The following NFIB variants were observed in gnomAD, a reference collection of about 807,000 sequenced individuals.
NFIB encodes nuclear factor 1 B-type.
NFIB carries 11 observed loss-of-function variants against 61.5 expected under a neutral mutation model. That is an observed-to-expected ratio of 0.18 (90% CI 0.11 to 0.30). The LOEUF (loss-of-function observed/expected upper bound fraction) is 0.30. NFIB is among the 10% of genes least tolerant of loss of function. The pLI is 1.00. For missense variants in NFIB, 471 were observed against 608.9 expected, an observed-to-expected ratio of 0.77 and a Z score of 2.38; for synonymous variants, 260 against 216.5, an observed-to-expected ratio of 1.20 and a Z score of -1.76.
At chr9:14,217,520 C>T (rs544177625) in intron 2 of NFIB, among the ~76,000 whole-genome samples, 13 of 151,830 alleles carry the variant, frequency 8.6e-5, no homozygotes, top group South Asian at 2.1e-4. Flanking sequence ...ATTGGCTGGG[C>T]GTGGTGGCGC....
chr9:14,182,824 ACTTACT>A (rs1436037950), intron 2 of NFIB, among the ~76,000 whole-genome samples: 5 of 150,612 alleles, frequency 3.3e-5, no homozygotes, highest in Admixed American at 2.0e-4. Flanking sequence ...GTACAAAATT[ACTTACT>A]CTTAAGAGTC....
chr9:14,098,801 ATG>A (rs576081374), intron 10 of NFIB, among the ~76,000 whole-genome samples: 2 of 152,258 alleles, frequency 1.3e-5, no homozygotes, highest in Admixed American at 6.5e-5. Flanking sequence ...TCCTTTGCAC[ATG>A]TGTGTGCACA....
chr9:14,467,399 G>A, the NFIB span, among the ~76,000 whole-genome samples: 287 of 152,044 alleles, frequency 1.9e-3, 2 homozygotes, highest in African/African-American at 6.4e-3. Context: ...ATTTGGGGAC[G>A]CATGAGTGGG....
At chr9:14,444,897 CCT>C in the NFIB span, among the ~76,000 whole-genome samples, 2 of 152,086 alleles carry the variant, frequency 1.3e-5, no homozygotes, top group African/African-American at 2.4e-5. Context: ...GATAATCATT[CCT>C]CTGTTTTTCT....
intron 3 of NFIB, among the ~76,000 whole-genome samples, chr9:14,159,616 C>A (rs1366149761): frequency 6.6e-6 from 1 of 152,180 alleles, no homozygotes; most frequent in Non-Finnish European, 1.5e-5. Flanking sequence ...AGGCATTAAC[C>A]AAGACGTGGC....
chr9:14,246,940 C>G (rs62532760), intron 2 of NFIB, among the ~76,000 whole-genome samples: 40,364 of 152,034 alleles, frequency 0.27, 6,034 homozygotes, highest in Middle Eastern at 0.42. Flanking sequence ...AGTATCCCTA[C>G]AAAGAAGAGA....
At chr9:14,182,683 CCT>C (rs144528136) in intron 2 of NFIB, among the ~76,000 whole-genome samples, 60 of 40,994 alleles carry the variant, frequency 1.5e-3, no homozygotes, top group African/African-American at 3.5e-3. Flanking sequence ...ACACCCCCCA[CCT>C]CTCTCTCTCT....
intron 3 of NFIB, among the ~76,000 whole-genome samples, chr9:14,164,800 G>C (rs1173401085): frequency 6.6e-6 from 1 of 152,118 alleles, no homozygotes; most frequent in East Asian, 1.9e-4. Flanking sequence ...TGGGATTCTT[G>C]AAAGCAGTTT....
At chr9:14,389,429 A>C (rs1443600014) in intron 1 of NFIB, among the ~76,000 whole-genome samples, 1 of 152,170 alleles carries the variant, frequency 6.6e-6, no homozygotes, top group African/African-American at 2.4e-5. Flanking sequence ...ATAGATCCAT[A>C]TGCTTATCTA....
At chr9:14,305,376 C>T (rs570708453) in intron 2 of NFIB, among the ~76,000 whole-genome samples, 2 of 152,292 alleles carry the variant, frequency 1.3e-5, no homozygotes, top group South Asian at 4.1e-4. Flanking sequence ...TTTCACAACA[C>T]AGTTACAACA....
chr9:14,518,727 C>T, the NFIB span, among the ~76,000 whole-genome samples: 1 of 152,120 alleles, frequency 6.6e-6, no homozygotes, highest in East Asian at 1.9e-4. Context: ...CTACTCCCTC[C>T]TTTCCTTGCC....
chr9:14,499,819 A>T, the NFIB span, among the ~76,000 whole-genome samples: 1 of 152,238 alleles, frequency 6.6e-6, no homozygotes, highest in African/African-American at 2.4e-5. Flanking sequence ...AGACTACTTA[A>T]TCAGAGAGCT....
chr9:14,293,581 C>T (rs941299709), intron 2 of NFIB, among the ~76,000 whole-genome samples: 2 of 152,198 alleles, frequency 1.3e-5, no homozygotes, highest in South Asian at 2.1e-4. Context: ...AATGATGATG[C>T]TTTCTGAACA....
chr9:14,182,903 C>T (rs1465095290), intron 2 of NFIB, among the ~76,000 whole-genome samples: 2 of 151,916 alleles, frequency 1.3e-5, no homozygotes, highest in East Asian at 3.9e-4. Context: ...TTGCAAGATT[C>T]TATCACATTA....
At chr9:14,251,722 C>T (rs894917129) in intron 2 of NFIB, among the ~76,000 whole-genome samples, 2 of 152,176 alleles carry the variant, frequency 1.3e-5, no homozygotes, top group African/African-American at 2.4e-5. Context: ...TCAGTTCCAG[C>T]CACCCAAATC....
chr9:14,334,958 G>A (rs963823733), intron 1 of NFIB, among the ~76,000 whole-genome samples: 1 of 151,870 alleles, frequency 6.6e-6, no homozygotes, highest in Non-Finnish European at 1.5e-5. Context: ...TTTTCATCTG[G>A]CTTCTTTCTT....
chr9:14,295,368 G>T (rs1221088290), intron 2 of NFIB, among the ~76,000 whole-genome samples: 1 of 152,140 alleles, frequency 6.6e-6, no homozygotes, highest in Non-Finnish European at 1.5e-5. Flanking sequence ...GCTCATGCCT[G>T]TAATCCCAGC....
At chr9:14,308,577 CTTT>C (rs557951288) in intron 1 of NFIB, among the ~76,000 whole-genome samples, 62 of 152,260 alleles carry the variant, frequency 4.1e-4, no homozygotes, top group Non-Finnish European at 7.2e-4. Flanking sequence ...ACTTTACATT[CTTT>C]GTGTCTCTGC....
At chr9:14,274,778 A>G (rs1275716646) in intron 2 of NFIB, among the ~76,000 whole-genome samples, 1 of 152,206 alleles carries the variant, frequency 6.6e-6, no homozygotes, top group Non-Finnish European at 1.5e-5. Flanking sequence ...TCTCTTTTAA[A>G]AATTGGGGCC....
Sources: gnomAD v4.1 joint callset for allele counts (sites outside exome capture counted in the v4.1 genomes callset) on GRCh38, gnomAD v4.1.1 for gene constraint, MANE v1.5 for transcripts, NCBI Gene and HGNC (gene_info 2026-07-23, HGNC 2026-07-21) for gene names.